RFX3: variants seen among roughly 807,000 people sequenced by gnomAD.
RFX3 encodes regulatory factor X3.
Under a neutral mutation model 98.6 loss-of-function variants are expected in RFX3, and 14 were observed. The observed-to-expected ratio is 0.14, with a 90% CI of 0.09 to 0.22. The LOEUF (loss-of-function observed/expected upper bound fraction) is 0.22, where lower values mean the gene tolerates loss of function less well. Among genes scored for constraint, RFX3 ranks in the 10% least tolerant of loss-of-function variants. The pLI, the probability that RFX3 is intolerant of heterozygous loss-of-function variation, is 1.00. For synonymous variants in RFX3, 383 were observed against 328.4 expected (o/e 1.17, Z -1.80); for missense variants, 639 against 926.9 (o/e 0.69, Z 4.03).
intron 8 of RFX3, among the ~76,000 whole-genome samples, chr9:3,276,678 C>G (rs1469519129): frequency 6.6e-6 from 1 of 152,016 alleles, no homozygotes; most frequent in Non-Finnish European, 1.5e-5. Flanking sequence ...TACACACACA[C>G]AGACACATAC....
intron 1 of RFX3, among the ~76,000 whole-genome samples, chr9:3,483,699 G>T (rs908135676): frequency 2.6e-5 from 4 of 152,194 alleles, no homozygotes; most frequent in Non-Finnish European, 5.9e-5. Flanking sequence ...ATCAGCAACT[G>T]TATCAGTTGA....
chr9:3,484,391 A>G (rs1168477088), intron 1 of RFX3, among the ~76,000 whole-genome samples: 1 of 152,212 alleles, frequency 6.6e-6, no homozygotes, highest in East Asian at 1.9e-4. Context: ...CAAGGTAGCT[A>G]AAGGAGTCAG....
chr9:3,482,177 T>C (rs769017646), intron 1 of RFX3, among the ~76,000 whole-genome samples: 3 of 151,830 alleles, frequency 2.0e-5, no homozygotes, highest in East Asian at 1.9e-4. Context: ...CTAATAAAGA[T>C]ACAAAATTTT....
rs377239468 is a variant in RFX3 at position 3,454,103 on chromosome 9, C to T, written c.-8-58507G>A. 7.9e-4 allele frequency among the ~76,000 whole-genome samples: 121 copies of T among 152,286 alleles called. 3 individuals carry two copies. In the South Asian group the frequency reaches 0.025, roughly 31 times the overall value. On this transcript the variant is annotated intron_variant, in intron 1 of 16. Transcript: ENST00000617270. ...GAATAAATAATGTTACCTACACGCA[C>T]TCTTTGCTATGAATTAGGAATGTCA...
At chr9:3,507,592 C>T (rs1459249217) in intron 1 of RFX3, among the ~76,000 whole-genome samples, 1 of 151,856 alleles carries the variant, frequency 6.6e-6, no homozygotes, top group Non-Finnish European at 1.5e-5. Flanking sequence ...ACAGTTGTCC[C>T]TCCGTAACCA....
intron 2 of RFX3, among the ~76,000 whole-genome samples, chr9:3,369,980 C>A (rs547695984): frequency 1.3e-5 from 2 of 150,346 alleles, no homozygotes; most frequent in Admixed American, 6.6e-5. Flanking sequence ...AGGCGCCCGC[C>A]ACTACGCCCG....
At chr9:3,484,901 T>G (rs896710102) in intron 1 of RFX3, among the ~76,000 whole-genome samples, 1 of 147,670 alleles carries the variant, frequency 6.8e-6, no homozygotes, top group Admixed American at 6.7e-5. Context: ...CTGAGCAACA[T>G]AGGGAGACAC....
chr9:3,276,303 C>T (rs1052259850), intron 8 of RFX3, among the ~76,000 whole-genome samples: 4 of 152,086 alleles, frequency 2.6e-5, no homozygotes, highest in African/African-American at 4.8e-5. Flanking sequence ...CTAGGCTTCC[C>T]TTGTGAGGGA....
chr9:3,305,529 G>T (rs1275431399), intron 4 of RFX3, among the ~76,000 whole-genome samples: 4 of 151,884 alleles, frequency 2.6e-5, no homozygotes, highest in Admixed American at 6.6e-5. Context: ...GGAAAGTGAG[G>T]GTGAGGAAGA....
Position 3,465,252 on chromosome 9 carries a change from G to C in RFX3, c.-9+60495C>G, listed in dbSNP as rs558537910. 1.3e-4 allele frequency among the ~76,000 whole-genome samples: 19 copies of C among 151,856 alleles called. No homozygotes were observed. In the East Asian group the frequency reaches 3.1e-3, roughly 25 times the overall value. ...CTGCCAATCCTTGTTCTAATATCTC[G>C]TGGCAAATATAAACCATTTCTTATA... On this transcript the variant is annotated intron_variant, in intron 1 of 16. Coordinates refer to ENST00000617270, the MANE Select transcript of RFX3 (RefSeq NM_001282116.2).
At chr9:3,391,003 G>T (rs1840256789) in intron 2 of RFX3, among the ~76,000 whole-genome samples, 1 of 152,064 alleles carries the variant, frequency 6.6e-6, no homozygotes, top group African/African-American at 2.4e-5. Flanking sequence ...TTAAAAATTA[G>T]CTATAAACTT....
At chr9:3,429,141 G>A (rs1482098729) in intron 1 of RFX3, among the ~76,000 whole-genome samples, 1 of 150,276 alleles carries the variant, frequency 6.7e-6, no homozygotes, top group African/African-American at 2.5e-5. Flanking sequence ...TCCTGCCTCA[G>A]CCTCCCAAGT....
At chr9:3,400,319 G>C (rs1416229388) in intron 1 of RFX3, 1 of 443,514 alleles carries the variant, frequency 2.3e-6, no homozygotes, top group Non-Finnish European at 3.0e-6. Flanking sequence ...AATAAGATAG[G>C]TAAAAAACAA....
At chr9:3,519,893 C>CA (rs1168321307) in intron 1 of RFX3, among the ~76,000 whole-genome samples, 1 of 144,908 alleles carries the variant, frequency 6.9e-6, no homozygotes, top group Non-Finnish European at 1.5e-5. Context: ...AGTATACTTT[C>CA]AAAAATCTAG....
intron 2 of RFX3, among the ~76,000 whole-genome samples, chr9:3,376,090 G>A (rs1207612114): frequency 6.6e-6 from 1 of 152,152 alleles, no homozygotes; most frequent in African/African-American, 2.4e-5. Context: ...TAAGAAGATA[G>A]TATTATTAGT....
At chr9:3,336,468 G>A (rs1485146125) in intron 3 of RFX3, among the ~76,000 whole-genome samples, 3 of 151,944 alleles carry the variant, frequency 2.0e-5, no homozygotes, top group Non-Finnish European at 4.4e-5. Context: ...GGATAGTTAA[G>A]GAATGTTATC....
At chr9:3,303,197 T>C (rs1229839511) in intron 4 of RFX3, among the ~76,000 whole-genome samples, 1 of 151,768 alleles carries the variant, frequency 6.6e-6, no homozygotes, top group Non-Finnish European at 1.5e-5. Context: ...ACTGCACAAA[T>C]GAAAAGAGAT....
chr9:3,466,959 C>T (rs1272873854), intron 1 of RFX3, among the ~76,000 whole-genome samples: 1 of 148,900 alleles, frequency 6.7e-6, no homozygotes, highest in African/African-American at 2.5e-5. Context: ...ATGCATAAAG[C>T]CCAATAAGAG....
intron 4 of RFX3, among the ~76,000 whole-genome samples, chr9:3,304,231 A>G (rs1454481472): frequency 6.6e-6 from 1 of 151,982 alleles, no homozygotes; most frequent in Non-Finnish European, 1.5e-5. Flanking sequence ...ATTAACATGT[A>G]TTTATTATAT....
Sources: allele counts gnomAD v4.1 joint callset (sites outside exome capture counted in the v4.1 genomes callset), GRCh38; gene constraint gnomAD v4.1.1; transcripts MANE v1.5; gene names NCBI Gene and HGNC (gene_info 2026-07-23, HGNC 2026-07-21).